Variants in TRIP4 observed in about 807,000 individuals in gnomAD.
TRIP4 encodes the protein thyroid hormone receptor interactor 4, also known as activating signal cointegrator 1.
Under a neutral mutation model 81.8 loss-of-function variants are expected in TRIP4, and 54 were observed. The ratio of observed to expected loss-of-function variants is 0.66; its 90% CI spans 0.53 to 0.83. TRIP4 has a LOEUF of 0.83. Ranked by LOEUF, TRIP4 falls within the 40% of genes least tolerant of loss-of-function variation. The probability of loss-of-function intolerance (pLI) is 0.00; values close to 1 mark genes in which losing one functional copy is unlikely to be tolerated. For missense variants in TRIP4, 662 were observed against 683.6 expected, an observed-to-expected ratio of 0.97 and a Z score of 0.35; for synonymous variants, 270 against 242.8, an observed-to-expected ratio of 1.11 and a Z score of -1.04.
chr15:64,399,391 C>A (rs917793546), intron 4 of TRIP4, among the ~76,000 whole-genome samples: 1 of 152,118 alleles, frequency 6.6e-6, no homozygotes, highest in Non-Finnish European at 1.5e-5. Flanking sequence ...AGAGCAAGCT[C>A]TTATAGCTGC....
intron 8 of TRIP4, among the ~76,000 whole-genome samples, chr15:64,417,872 C>A (rs1169677027): frequency 6.6e-6 from 1 of 152,090 alleles, no homozygotes; most frequent in Non-Finnish European, 1.5e-5. Flanking sequence ...TCACAGAATT[C>A]TATTGAAAAA....
At chr15:64,404,064 G>A (rs895221798) in intron 5 of TRIP4, among the ~76,000 whole-genome samples, 1 of 152,036 alleles carries the variant, frequency 6.6e-6, no homozygotes, top group African/African-American at 2.4e-5. Context: ...GGTGGCACAT[G>A]CCTGTAATCC....
chr15:64,419,412 G>A (rs1365160133), intron 9 of TRIP4, among the ~76,000 whole-genome samples: 1 of 151,960 alleles, frequency 6.6e-6, no homozygotes, highest in Non-Finnish European at 1.5e-5. Context: ...AGGCTGGAGT[G>A]CAGTGGCGTG....
intron 7 of TRIP4, among the ~76,000 whole-genome samples, chr15:64,410,371 A>G (rs1238906176): frequency 1.3e-5 from 2 of 152,214 alleles, no homozygotes; most frequent in African/African-American, 2.4e-5. Context: ...GCACAGAAAT[A>G]GATCAATGAA....
intron 1 of TRIP4, chr15:64,393,687 A>G (rs952794282): frequency 7.6e-6 from 2 of 261,922 alleles, no homozygotes; most frequent in Middle Eastern, 1.1e-3. Flanking sequence ...ATAAAAATAA[A>G]ACTACCTTTA....
chr15:64,415,706 C>T (rs761154176), intron 8 of TRIP4, among the ~76,000 whole-genome samples: 5 of 152,176 alleles, frequency 3.3e-5, no homozygotes, highest in Non-Finnish European at 5.9e-5. Flanking sequence ...CTGATTACAC[C>T]TGTAAAGATT....
intron 8 of TRIP4, among the ~76,000 whole-genome samples, chr15:64,415,282 G>C (rs777694900): frequency 1.8e-4 from 28 of 152,096 alleles, no homozygotes; most frequent in Non-Finnish European, 3.4e-4. Context: ...ACATACAAAG[G>C]CTCAGCAGCG....
At chr15:64,396,359 C>T (rs1900295346) in intron 3 of TRIP4, among the ~76,000 whole-genome samples, 1 of 149,176 alleles carries the variant, frequency 6.7e-6, no homozygotes, top group South Asian at 2.2e-4. Context: ...CCACTGCAAC[C>T]TCTGCCTCCC....
intron 6 of TRIP4, among the ~76,000 whole-genome samples, chr15:64,407,090 TA>T (rs1891640294): frequency 6.6e-6 from 1 of 152,128 alleles, no homozygotes; most frequent in African/African-American, 2.4e-5. Context: ...GAAAACCAGT[TA>T]GTGGTAAAAA....
At chr15:64,451,841 A>G (rs1298677883) in intron 12 of TRIP4, among the ~76,000 whole-genome samples, 1 of 150,622 alleles carries the variant, frequency 6.6e-6, no homozygotes, top group Admixed American at 6.6e-5. Flanking sequence ...TTTAGTAGAG[A>G]CGGGTTTCAC....
At chr15:64,389,707 A>C (rs908034986) in intron 1 of TRIP4, among the ~76,000 whole-genome samples, 3 of 144,146 alleles carry the variant, frequency 2.1e-5, no homozygotes, top group South Asian at 2.2e-4. Flanking sequence ...CAAAATTTTC[A>C]CTTTTTTTTT....
intron 7 of TRIP4, among the ~76,000 whole-genome samples, chr15:64,413,592 A>AT (rs1033620531): frequency 2.0e-5 from 3 of 148,988 alleles, no homozygotes; most frequent in South Asian, 2.1e-4. Flanking sequence ...ATTTATTTTT[A>AT]TTTTTTTTTA....
At chr15:64,421,812 G>C (rs539564344) in intron 9 of TRIP4, among the ~76,000 whole-genome samples, 41 of 152,226 alleles carry the variant, frequency 2.7e-4, no homozygotes, top group Non-Finnish European at 5.1e-4. Flanking sequence ...GGGAGGTCAA[G>C]GTGGGTAGAT....
intron 11 of TRIP4, among the ~76,000 whole-genome samples, chr15:64,431,847 A>ATATATATATATATATATTTTTTTTT: frequency 2.5e-5 from 3 of 119,554 alleles, no homozygotes; most frequent in African/African-American, 9.8e-5. Flanking sequence ...ATATATATAT[A>ATATATATATATATATATTTTTTTTT]TTTTTTTTAT....
chr15:64,437,184 G>C (rs1214317395), intron 11 of TRIP4, among the ~76,000 whole-genome samples: 1 of 151,822 alleles, frequency 6.6e-6, no homozygotes, highest in African/African-American at 2.4e-5. Context: ...ACTTTGGGAG[G>C]CTGAGGTGGG....
intron 8 of TRIP4, among the ~76,000 whole-genome samples, chr15:64,416,237 A>G (rs904510375): frequency 7.2e-5 from 11 of 152,176 alleles, no homozygotes; most frequent in African/African-American, 2.7e-4. Context: ...TCTCTAAAAA[A>G]AAATAATTAT....
intron 7 of TRIP4, among the ~76,000 whole-genome samples, chr15:64,413,408 C>T (rs1390337680): frequency 6.6e-6 from 1 of 151,976 alleles, no homozygotes; most frequent in East Asian, 1.9e-4. Flanking sequence ...AACTCCTGGC[C>T]TCAAGTGATC....
chr15:64,452,086 G>A (rs1272160235), intron 12 of TRIP4, among the ~76,000 whole-genome samples: 3 of 151,810 alleles, frequency 2.0e-5, no homozygotes, highest in Admixed American at 1.3e-4. Flanking sequence ...TCAGCCTCCT[G>A]AGTAGCTGGG....
intron 11 of TRIP4, among the ~76,000 whole-genome samples, chr15:64,431,847 A>ATATATATATATTTTTTTT: frequency 8.4e-6 from 1 of 119,560 alleles, no homozygotes; most frequent in South Asian, 2.5e-4. Flanking sequence ...ATATATATAT[A>ATATATATATATTTTTTTT]TTTTTTTTAT....
Sources: gnomAD v4.1 joint callset for allele counts (sites outside exome capture counted in the v4.1 genomes callset) on GRCh38, gnomAD v4.1.1 for gene constraint, MANE v1.5 for transcripts, NCBI Gene and HGNC (gene_info 2026-07-23, HGNC 2026-07-21) for gene names.